The following CAST variants were observed in gnomAD, a reference collection of about 807,000 sequenced individuals.
The protein encoded by CAST is calpastatin, also known as MIR583 host.
CAST carries 76 observed loss-of-function variants against 119.6 expected under a neutral mutation model. That is an observed-to-expected ratio of 0.64 (90% CI 0.53 to 0.77). The LOEUF (loss-of-function observed/expected upper bound fraction) is 0.77, where lower values mean the gene tolerates loss of function less well. Ranked by LOEUF, CAST falls within the 30% of genes least tolerant of loss-of-function variation. The pLI, the probability that CAST is intolerant of heterozygous loss-of-function variation, is 0.00. For synonymous variants in CAST, 319 were observed against 331.6 expected (o/e 0.96, Z 0.41); for missense variants, 953 against 946.5 (o/e 1.01, Z -0.09).
intron 2 of CAST, among the ~76,000 whole-genome samples, chr5:96,685,804 A>G (rs1229052726): frequency 6.6e-6 from 1 of 152,232 alleles, no homozygotes; most frequent in Non-Finnish European, 1.5e-5. Flanking sequence ...GGTGGGCCCA[A>G]GGAATCAGTA....
chr5:96,259,412 A>G, the CAST span, among the ~76,000 whole-genome samples: 6 of 152,244 alleles, frequency 3.9e-5, no homozygotes, highest in African/African-American at 1.4e-4. Context: ...TGAATTTAGT[A>G]TAAACCATGA....
the CAST span, among the ~76,000 whole-genome samples, chr5:96,229,782 G>A: frequency 6.6e-5 from 10 of 152,054 alleles, no homozygotes; most frequent in Non-Finnish European, 1.2e-4. Flanking sequence ...TAAGAAATGT[G>A]AAGAGGAAAA....
At chr5:96,727,122 C>T (rs190440928) in intron 5 of CAST, among the ~76,000 whole-genome samples, 16 of 152,250 alleles carry the variant, frequency 1.1e-4, no homozygotes, top group African/African-American at 2.9e-4. Context: ...ATAAAAACAC[C>T]GTGTTAGTGG....
At chr5:96,050,578 C>A in the CAST span, among the ~76,000 whole-genome samples, 2 of 152,156 alleles carry the variant, frequency 1.3e-5, no homozygotes, top group African/African-American at 2.4e-5. Context: ...GTGAAGAGGT[C>A]TCTGAGGAGA....
intron 22 of CAST, among the ~76,000 whole-genome samples, chr5:96,756,361 C>T (rs756833730): frequency 3.9e-5 from 6 of 152,180 alleles, no homozygotes; most frequent in Non-Finnish European, 8.8e-5. Flanking sequence ...TTCAGCTTTC[C>T]CCTGTACCTG....
chr5:96,096,247 C>T, the CAST span, among the ~76,000 whole-genome samples: 1 of 152,174 alleles, frequency 6.6e-6, no homozygotes, highest in African/African-American at 2.4e-5. Context: ...TAGAATAAAT[C>T]ATCAGAGGCT....
chr5:96,629,711 G>C (rs1048109054), intron 1 of CAST, among the ~76,000 whole-genome samples: 1 of 152,182 alleles, frequency 6.6e-6, no homozygotes, highest in Admixed American at 6.5e-5. Flanking sequence ...ATCAGCATCT[G>C]ATTCAAGCAA....
At chr5:96,360,121 G>A in the CAST span, among the ~76,000 whole-genome samples, 22 of 151,334 alleles carry the variant, frequency 1.5e-4, no homozygotes, top group East Asian at 2.9e-3. Context: ...CTGCTTGATC[G>A]CTTCAGCTAT....
the CAST span, among the ~76,000 whole-genome samples, chr5:96,463,692 G>T: frequency 9.2e-5 from 14 of 152,146 alleles, no homozygotes; most frequent in Admixed American, 9.2e-4. Flanking sequence ...ATTTGGATTA[G>T]TGGGGTATAG....
the CAST span, among the ~76,000 whole-genome samples, chr5:96,501,741 T>C: frequency 6.6e-6 from 1 of 152,218 alleles, no homozygotes; most frequent in African/African-American, 2.4e-5. Context: ...AAAACACTTC[T>C]TTTGGTATAG....
chr5:96,653,616 A>G (rs1210519443), intron 1 of CAST, among the ~76,000 whole-genome samples: 1 of 152,248 alleles, frequency 6.6e-6, no homozygotes, highest in East Asian at 1.9e-4. Flanking sequence ...GAGTAAGCAA[A>G]AGGTAAATCA....
chr5:96,023,578 C>T, the CAST span, among the ~76,000 whole-genome samples: 1 of 152,038 alleles, frequency 6.6e-6, no homozygotes, highest in Admixed American at 6.6e-5. Context: ...CTTCTTATGG[C>T]TACTTCATGC....
At chr5:95,983,236 G>T in the CAST span, among the ~76,000 whole-genome samples, 2 of 152,300 alleles carry the variant, frequency 1.3e-5, no homozygotes, top group East Asian at 1.9e-4. Context: ...AGGGTGAGAG[G>T]GGGTAGTGAT....
the CAST span, among the ~76,000 whole-genome samples, chr5:96,094,424 C>CT: frequency 9.8e-4 from 141 of 144,184 alleles, no homozygotes; most frequent in African/African-American, 1.9e-3. Context: ...GTAGGGTGAC[C>CT]TTTTTTTTTT....
chr5:96,164,035 G>GA, the CAST span, among the ~76,000 whole-genome samples: 53 of 150,244 alleles, frequency 3.5e-4, no homozygotes, highest in East Asian at 9.7e-4. Flanking sequence ...ATTGGTACAT[G>GA]AAAAAAAAAC....
chr5:96,253,070 T>C, the CAST span, among the ~76,000 whole-genome samples: 1 of 152,140 alleles, frequency 6.6e-6, no homozygotes, highest in Non-Finnish European at 1.5e-5. Context: ...CAGATACTTT[T>C]TTAAAAAAAT....
chr5:96,644,055 A>C (rs1353248835), intron 1 of CAST, among the ~76,000 whole-genome samples: 1 of 152,128 alleles, frequency 6.6e-6, no homozygotes, highest in East Asian at 1.9e-4. Context: ...CAAAAACAAA[A>C]AAAAAAAAAT....
upstream of CAST, among the ~76,000 whole-genome samples, chr5:96,522,891 A>G (rs1745540198): frequency 6.6e-6 from 1 of 152,196 alleles, no homozygotes; most frequent in Non-Finnish European, 1.5e-5. Flanking sequence ...GTAAAGGGAG[A>G]GTCGGGCACC....
At chr5:96,728,895 G>C in intron 6 of CAST, 1 of 408,852 alleles carries the variant, frequency 2.4e-6, no homozygotes, top group Non-Finnish European at 4.4e-6. Context: ...ACGTGTATTT[G>C]AAAATATTAT....
Sources: allele counts gnomAD v4.1 joint callset (sites outside exome capture counted in the v4.1 genomes callset), GRCh38; gene constraint gnomAD v4.1.1; transcripts MANE v1.5; gene names NCBI Gene and HGNC (gene_info 2026-07-23, HGNC 2026-07-21).